SBF2: variants seen among roughly 807,000 people sequenced by gnomAD.
SBF2 encodes myotubularin-related protein 13.
A neutral mutation model predicts 225.2 loss-of-function variants in SBF2; 112 were observed. That is an observed-to-expected ratio of 0.50 (90% CI 0.43 to 0.58). The LOEUF (loss-of-function observed/expected upper bound fraction) is 0.58. Among genes scored for constraint, SBF2 ranks in the 20% least tolerant of loss-of-function variants. The probability of loss-of-function intolerance (pLI) is 0.00; values close to 1 mark genes in which losing one functional copy is unlikely to be tolerated. For missense variants in SBF2, 1,996 were observed against 2,206.2 expected (o/e 0.90, Z 1.91); for synonymous variants, 763 against 773.3 (o/e 0.99, Z 0.22).
chr11:10,272,414 C>T (rs1270337702), intron 1 of SBF2, among the ~76,000 whole-genome samples: 1 of 152,188 alleles, frequency 6.6e-6, no homozygotes, highest in Admixed American at 6.5e-5. Flanking sequence ...TAACTTCAAA[C>T]CTCATGAGCC....
intron 1 of SBF2, among the ~76,000 whole-genome samples, chr11:10,221,121 C>CTT (rs58196333): frequency 2.9e-5 from 4 of 138,638 alleles, no homozygotes; most frequent in Admixed American, 7.3e-5. Context: ...CTGTTACTTC[C>CTT]TTTTTTTTTT....
intron 6 of SBF2, among the ~76,000 whole-genome samples, chr11:10,016,079 C>G (rs1948638267): frequency 6.6e-6 from 1 of 151,648 alleles, no homozygotes; most frequent in South Asian, 2.1e-4. Context: ...GCCTGGCCCC[C>G]ACCTTGCTCT....
chr11:9,878,047 C>A (rs958632125), intron 17 of SBF2, among the ~76,000 whole-genome samples: 4 of 152,174 alleles, frequency 2.6e-5, no homozygotes, highest in Non-Finnish European at 4.4e-5. Context: ...TCCACATCCG[C>A]TCCAGCATCT....
intron 28 of SBF2, chr11:9,828,702 A>G (rs1855206596): frequency 1.1e-6 from 1 of 885,236 alleles, no homozygotes; most frequent in South Asian, 5.2e-5. Flanking sequence ...TGTACTGAAA[A>G]TCATAATAGG....
chr11:10,119,010 A>G (rs1953305693), intron 2 of SBF2, among the ~76,000 whole-genome samples: 1 of 152,026 alleles, frequency 6.6e-6, no homozygotes, highest in Non-Finnish European at 1.5e-5. Flanking sequence ...AAAAAGAACA[A>G]TCTGCTGTTC....
intron 2 of SBF2, among the ~76,000 whole-genome samples, chr11:10,184,776 G>C (rs1047618967): frequency 2.6e-5 from 4 of 152,156 alleles, no homozygotes; most frequent in African/African-American, 9.7e-5. Context: ...GCCCAGGCTG[G>C]AGTGCAATGG....
At chr11:9,963,617 T>C (rs903990268) in intron 15 of SBF2, among the ~76,000 whole-genome samples, 156 bp downstream of exon 15, 1 of 152,224 alleles carries the variant, frequency 6.6e-6, no homozygotes, top group African/African-American at 2.4e-5. Context: ...CAGCTTTAAA[T>C]CTTAGACACT....
At chr11:9,805,523 TTTTG>T (rs1448951873) in intron 32 of SBF2, among the ~76,000 whole-genome samples, 1 of 152,180 alleles carries the variant, frequency 6.6e-6, no homozygotes, top group Admixed American at 6.5e-5. Flanking sequence ...CACTGAAGGT[TTTTG>T]TTTGTTTGCT....
chr11:10,118,157 T>C (rs1453848059), intron 2 of SBF2, among the ~76,000 whole-genome samples: 3 of 152,184 alleles, frequency 2.0e-5, no homozygotes, highest in Non-Finnish European at 4.4e-5. Context: ...GAAGGCCAAA[T>C]GTTGTTCTCT....
At chr11:9,999,870 G>A (rs1947880234) in intron 8 of SBF2, among the ~76,000 whole-genome samples, 1 of 152,094 alleles carries the variant, frequency 6.6e-6, no homozygotes, top group East Asian at 1.9e-4. Flanking sequence ...TGACACCTCT[G>A]ATTTGGTTAC....
At chr11:10,253,433 A>T (rs12360868) in intron 1 of SBF2, among the ~76,000 whole-genome samples, 2,109 of 152,206 alleles carry the variant, frequency 0.014, 26 homozygotes, top group Non-Finnish European at 0.021. Flanking sequence ...GCACATTAGT[A>T]CTCTTTAAGA....
intron 14 of SBF2, among the ~76,000 whole-genome samples, chr11:9,967,638 G>A (rs530753056): frequency 3.9e-5 from 6 of 151,994 alleles, no homozygotes; most frequent in African/African-American, 1.2e-4. Context: ...CATTCTTGCC[G>A]GGTGCAGTGG....
intron 2 of SBF2, among the ~76,000 whole-genome samples, chr11:10,188,172 T>C (rs1490571055): frequency 6.6e-6 from 1 of 152,112 alleles, no homozygotes; most frequent in Non-Finnish European, 1.5e-5. Flanking sequence ...AGAAATAGGA[T>C]AGTAGCTAAA....
intron 1 of SBF2, among the ~76,000 whole-genome samples, chr11:10,225,025 G>C (rs1958482771): frequency 6.6e-6 from 1 of 152,084 alleles, no homozygotes; most frequent in South Asian, 2.1e-4. Flanking sequence ...TTTTAAATAG[G>C]TTTGCCATCT....
At position 10,278,635 on chromosome 11, in the gene SBF2, T is replaced by C. The variant is rs372948129; in HGVS notation, c.55+15380A>G. 9.2e-5 allele frequency among the ~76,000 whole-genome samples: 14 copies of C among 151,876 alleles called. 1 individual carries two copies. Among genetic ancestry groups the C allele is most frequent in the African/African-American group, 3.4e-4 (14 of 41,420 alleles). ...GTCTCTACTAAAAATACAAAAATAT[T>C]AGCCGGGCATGGTGGCAGGCGCCTG... On this transcript the variant is annotated intron_variant, in intron 1 of 39. Transcript: ENST00000256190.
intron 16 of SBF2, among the ~76,000 whole-genome samples, chr11:9,915,194 A>AGCAGTGGC (rs1198227638): frequency 3.9e-5 from 6 of 152,190 alleles, no homozygotes; most frequent in Admixed American, 3.9e-4. Flanking sequence ...CACGCCTGTA[A>AGCAGTGGC]TCCCAGCACT....
chr11:10,215,421 T>G (rs1187686135), intron 1 of SBF2, among the ~76,000 whole-genome samples: 1 of 152,218 alleles, frequency 6.6e-6, no homozygotes, highest in Non-Finnish European at 1.5e-5. Context: ...CATGAATTAC[T>G]AGAATATAGA....
In SBF2 at chr11:10,103,869, C is replaced by G. The variant is rs555295233; in HGVS notation, c.142-60888G>C. 2.6e-4 allele frequency among the ~76,000 whole-genome samples: 40 copies of G among 152,178 alleles called. 1 individual carries two copies. The South Asian group carries it at 8.1e-3, about 31-fold the overall frequency. On this transcript the variant is annotated intron_variant, in intron 2 of 39. Transcript: ENST00000256190. The stretch of plus-strand genomic sequence containing the variant: ...GCCAAGGCAAAAGGACTGCTTGAGC[C>G]GAGATAGCTGAGACCAGCTTGGGCA...
At chr11:9,828,510 A>T in intron 28 of SBF2, 1 of 985,480 alleles carries the variant, frequency 1.0e-6, no homozygotes, top group Non-Finnish European at 1.2e-6. Context: ...CTTTCTGCTT[A>T]TGTTGAGCTA....
Sources: allele counts gnomAD v4.1 joint callset (sites outside exome capture counted in the v4.1 genomes callset), GRCh38; gene constraint gnomAD v4.1.1; transcripts MANE v1.5; gene names NCBI Gene and HGNC (gene_info 2026-07-23, HGNC 2026-07-21).